Variants in SLIT3 observed in about 807,000 individuals in gnomAD.
SLIT3 encodes slit guidance ligand 3.
In SLIT3, 68 loss-of-function variants were observed where a neutral mutation model predicts 184.0. The ratio of observed to expected loss-of-function variants is 0.37; its 90% CI spans 0.30 to 0.45. The LOEUF is 0.45. SLIT3 is among the 20% of genes least tolerant of loss of function. The probability of loss-of-function intolerance (pLI) is 1.00; values close to 1 mark genes in which losing one functional copy is unlikely to be tolerated. For synonymous variants in SLIT3, 831 were observed against 828.6 expected (o/e 1.00, Z -0.05); for missense variants, 1,707 against 2,026.0 (o/e 0.84, Z 3.02).
At chr5:168,837,123 T>C (rs1033442842) in intron 6 of SLIT3, among the ~76,000 whole-genome samples, 8 of 152,212 alleles carry the variant, frequency 5.3e-5, no homozygotes, top group Non-Finnish European at 7.3e-5. Context: ...ACCCAGTTTC[T>C]TTCCTAGTAT....
At chr5:169,129,420 TG>T (rs1051123880) in intron 4 of SLIT3, among the ~76,000 whole-genome samples, 2 of 151,938 alleles carry the variant, frequency 1.3e-5, no homozygotes, top group Non-Finnish European at 2.9e-5. Context: ...GATGTGGTGG[TG>T]GGCGCCTGTA....
At chr5:168,708,218 C>T in intron 25 of SLIT3, 118 bp from the exon 26 acceptor site, 1 of 1,399,588 alleles carries the variant, frequency 7.1e-7, no homozygotes, top group Non-Finnish European at 9.9e-7. Context: ...CAACTCCATG[C>T]CCAGATGGCA....
At chr5:169,023,605 C>CT (rs60134648) in intron 4 of SLIT3, 24,203 of 149,536 alleles carry the variant, frequency 0.16, 2,361 homozygotes, top group East Asian at 0.54. Flanking sequence ...ACCCTCTGTT[C>CT]TTTTTTTTTT....
At chr5:169,224,947 G>A (rs2113538778) in intron 3 of SLIT3, among the ~76,000 whole-genome samples, 1 of 152,282 alleles carries the variant, frequency 6.6e-6, no homozygotes, top group African/African-American at 2.4e-5. Context: ...GCCTCCCGAA[G>A]TGCTGGGATT....
chr5:168,848,238 T>C lies in SLIT3; in HGVS notation c.486-3583A>G, dbSNP rs558918985. On this transcript the variant is annotated intron_variant, in intron 5 of 35. Transcript: ENST00000519560. The stretch of plus-strand genomic sequence containing the variant: ...GTATGGAATAAAGCTCTAAGCCATA[T>C]CGTCATGACTGTGGCCCTGTGGCCC... Among the ~76,000 whole-genome samples, 9 of 152,330 alleles carry C rather than the reference T, an allele frequency of 5.9e-5. No homozygotes were observed. In the South Asian group the frequency reaches 1.9e-3, roughly 32 times the overall value.
intron 14 of SLIT3, among the ~76,000 whole-genome samples, chr5:168,771,352 T>C (rs1057064670): frequency 2.0e-5 from 3 of 152,142 alleles, no homozygotes; most frequent in Non-Finnish European, 2.9e-5. Flanking sequence ...AAGCAGCTGA[T>C]TGTCATCCCC....
At chr5:169,186,889 G>C (rs541096114) in intron 4 of SLIT3, among the ~76,000 whole-genome samples, 1 of 152,262 alleles carries the variant, frequency 6.6e-6, no homozygotes, top group Non-Finnish European at 1.5e-5. Flanking sequence ...AACAGCGCCA[G>C]TGACTTGGGG....
chr5:169,073,908 C>T (rs1312707715), intron 4 of SLIT3, among the ~76,000 whole-genome samples: 4 of 152,152 alleles, frequency 2.6e-5, no homozygotes, highest in Non-Finnish European at 4.4e-5. Context: ...TAGTGCAATG[C>T]AGCTGGACAA....
chr5:169,148,991 T>C (rs944514891), intron 4 of SLIT3, among the ~76,000 whole-genome samples: 2 of 152,224 alleles, frequency 1.3e-5, no homozygotes, highest in Admixed American at 1.3e-4. Context: ...AGTATCGTTA[T>C]TCCCATTTTA....
chr5:168,684,382 T>C (rs981902275), intron 31 of SLIT3, among the ~76,000 whole-genome samples: 7 of 152,232 alleles, frequency 4.6e-5, no homozygotes, highest in African/African-American at 1.7e-4. Context: ...GCCCGAACTC[T>C]AATCTGCCCT....
chr5:169,286,357 G>A (rs1767150074), intron 1 of SLIT3, among the ~76,000 whole-genome samples: 1 of 151,996 alleles, frequency 6.6e-6, no homozygotes, highest in Non-Finnish European at 1.5e-5. Flanking sequence ...TTACTGTGGA[G>A]CTGAGCTAAT....
rs144092112 is a variant in SLIT3 at position 168,931,847 on chromosome 5, T to C, written c.414-48511A>G. Among the ~76,000 whole-genome samples the C allele has an allele frequency of 8.2e-3, 1,243 of 152,232 alleles. 10 individuals carry two copies. Among genetic ancestry groups the C allele is most frequent in the Non-Finnish European group, 0.012 (849 of 68,008 alleles). ...CCTGAGTTGACTCCCGGAGGTTCCTTTTGCAATAACCACTTTAGTAGCTCC... is the reference window on the plus strand; with the variant it reads ...CCTGAGTTGACTCCCGGAGGTTCCTCTTGCAATAACCACTTTAGTAGCTCC... On this transcript the variant is annotated intron_variant, in intron 4 of 35. Transcript: ENST00000519560.
intron 25 of SLIT3, 94 bp downstream of exon 25, chr5:168,710,801 C>T: frequency 8.9e-7 from 1 of 1,119,748 alleles, no homozygotes; most frequent in Non-Finnish European, 1.2e-6. Flanking sequence ...GTTTCTGAAG[C>T]CACATCTGTT....
chr5:168,793,884 A>G (rs986323601), intron 10 of SLIT3, among the ~76,000 whole-genome samples: 2 of 152,132 alleles, frequency 1.3e-5, no homozygotes, highest in Non-Finnish European at 1.5e-5. Flanking sequence ...ATTAAGGCCT[A>G]TATTTATACA....
Position 168,718,979 on chromosome 5 carries a change from G to C in SLIT3, c.2483+3277C>G, listed in dbSNP as rs571754863. Among the ~76,000 whole-genome samples, 135 of 152,268 alleles carry C rather than the reference G, an allele frequency of 8.9e-4. 1 individual carries two copies. The highest frequency in any genetic ancestry group is 3.2e-3 in the African/African-American group (133 of 41,548). On this transcript the variant is annotated intron_variant, in intron 23 of 35. Transcript: ENST00000519560. ...TGCAGTTGCAGATAATGTAATTCCT[G>C]ATTTTAAAAAGCCAATCTTTCTTCC...
intron 12 of SLIT3, among the ~76,000 whole-genome samples, chr5:168,776,917 GA>G (rs1426438329): frequency 6.6e-6 from 1 of 152,034 alleles, no homozygotes; most frequent in Non-Finnish European, 1.5e-5. Context: ...ATCTTGTCAA[GA>G]AACACTGAAC....
In SLIT3 at chr5:168,844,591, C is replaced by T. The variant is rs754193937; in HGVS notation, c.550G>A (p.Glu184Lys). The change falls in exon 6 of 36, where the codon GAG (glutamate) becomes AAG (lysine). Residue 184 changes from glutamate (E) to lysine (K), a missense_variant. By Grantham distance (56) the Glu-to-Lys change is moderately conservative. This residue lies in a region of SLIT3 where 1,307 missense variants were observed against 1,511.6 expected (regional missense o/e 0.86). Coordinates refer to ENST00000519560, the MANE Select transcript of SLIT3 (RefSeq NM_003062.4). ...DGAFRALRDLEILTLNNNNIS... is the reference protein window; with the variant it reads ...DGAFRALRDLKILTLNNNNIS... Reference sequence around the variant, plus strand: ...ATCGCAAAATCAACTCACAGGATCTCCAAATCGCGCAGCGCTCGGAAGGCT... The same window carrying T: ...ATCGCAAAATCAACTCACAGGATCTTCAAATCGCGCAGCGCTCGGAAGGCT... The T allele has an allele frequency of 6.2e-7, 1 of 1,614,162 alleles. No homozygotes were observed. The highest frequency in any genetic ancestry group is 1.1e-5 in the South Asian group (1 of 91,088).
chr5:168,949,763 C>T (rs1179749906), intron 4 of SLIT3, among the ~76,000 whole-genome samples: 1 of 152,060 alleles, frequency 6.6e-6, no homozygotes, highest in Non-Finnish European at 1.5e-5. Flanking sequence ...CCACACCCAG[C>T]TAATTTTTTG....
At chr5:169,019,229 T>G (rs1756506386) in intron 4 of SLIT3, among the ~76,000 whole-genome samples, 2 of 152,304 alleles carry the variant, frequency 1.3e-5, no homozygotes, top group East Asian at 3.9e-4. Flanking sequence ...TTCTCAGACC[T>G]GGGGGTCGAC....
Sources: allele counts gnomAD v4.1 joint callset (sites outside exome capture counted in the v4.1 genomes callset), GRCh38; gene constraint gnomAD v4.1.1; regional missense constraint gnomAD v4.1.1; transcripts MANE v1.5; gene names NCBI Gene and HGNC (gene_info 2026-07-23, HGNC 2026-07-21).